Variants in RABGEF1 observed in about 807,000 individuals in gnomAD.
RABGEF1 encodes the protein RAB guanine nucleotide exchange factor 1.
In RABGEF1, 26 loss-of-function variants were observed where a neutral mutation model predicts 57.3. That is an observed-to-expected ratio of 0.45 (90% CI 0.33 to 0.63). The LOEUF is 0.63. Among genes scored for constraint, RABGEF1 ranks in the 20% least tolerant of loss-of-function variants. The pLI is 0.02. For missense variants in RABGEF1, 464 were observed against 607.6 expected (o/e 0.76, Z 2.48); for synonymous variants, 185 against 210.7 (o/e 0.88, Z 1.06).
At position 66,775,383 on chromosome 7, in the gene RABGEF1, A is replaced by C; in HGVS notation, c.336A>C (p.Gly112=). 2 of 1,613,866 alleles carry C rather than the reference A, an allele frequency of 1.2e-6. No individual in the cohort carries two copies. Among genetic ancestry groups the C allele is most frequent in the Non-Finnish European group, 1.7e-6 (2 of 1,179,800 alleles). Residue 112 remains glycine (G), a synonymous_variant, in exon 3 of 9, where the codon GGA becomes GGC. Transcript: ENST00000284957. Reference sequence around the variant, plus strand: ...TCTTCAGTGCATCTTCCAGGGTCGGATCAAAGAAGGGTAATGTTCTGATAC... The same window carrying C: ...TCTTCAGTGCATCTTCCAGGGTCGGCTCAAAGAAGGGTAATGTTCTGATAC... The part of the protein sequence containing the change: ...KKFFSASSRV[G]SKKEIQEAKA...
intron 2 of RABGEF1, among the ~76,000 whole-genome samples, chr7:66,775,021 A>G (rs1962050): frequency 0.39 from 58,545 of 152,056 alleles, 11,747 homozygotes; most frequent in Middle Eastern, 0.57. Context: ...CAGTAGCTGA[A>G]TGAGTATGAG....
intron 1 of RABGEF1, among the ~76,000 whole-genome samples, chr7:66,698,410 CAG>C (rs1297004877): frequency 6.6e-6 from 1 of 150,906 alleles, no homozygotes; most frequent in African/African-American, 2.5e-5. Flanking sequence ...GAAAGAGAGT[CAG>C]AGGAGAGTGC....
intron 2 of RABGEF1, among the ~76,000 whole-genome samples, chr7:66,722,238 G>A (rs373641984): frequency 6.6e-6 from 1 of 151,950 alleles, no homozygotes; most frequent in African/African-American, 2.4e-5. Flanking sequence ...TCAAGAGTTC[G>A]AGACCAGCCT....
At chr7:66,747,541 G>A (rs117013788) in intron 1 of RABGEF1, among the ~76,000 whole-genome samples, 2,256 of 152,168 alleles carry the variant, frequency 0.015, 61 homozygotes, top group East Asian at 0.094. Flanking sequence ...ATTAAAAATC[G>A]CTTTTGGGGG....
chr7:66,796,175 G>T lies in RABGEF1; in HGVS notation c.595+583G>T, dbSNP rs35624856. On this transcript the variant is annotated intron_variant, in intron 5 of 8. Transcript: ENST00000284957. ...GAGAAAGAGAAAAACTTATTGGAAG[G>T]CTTTGCTAAATGAATTTTCCATCTT... 1.1e-4 allele frequency among the ~76,000 whole-genome samples: 16 copies of T among 152,106 alleles called. No homozygotes were observed. In the South Asian group the frequency reaches 3.1e-3, roughly 30 times the overall value.
chr7:66,792,567 G>C (rs180701909), intron 4 of RABGEF1, among the ~76,000 whole-genome samples: 1 of 152,320 alleles, frequency 6.6e-6, no homozygotes, highest in African/African-American at 2.4e-5. Flanking sequence ...ATCCTTATTA[G>C]ACAGTAAGCA....
the RABGEF1 span, among the ~76,000 whole-genome samples, chr7:66,655,570 A>G: frequency 1.3e-5 from 2 of 152,114 alleles, no homozygotes; most frequent in African/African-American, 4.8e-5. Flanking sequence ...GGATCTCACA[A>G]TGTTACCCAT....
intron 8 of RABGEF1, among the ~76,000 whole-genome samples, chr7:66,806,967 A>G (rs1484193936): frequency 6.6e-6 from 1 of 152,138 alleles, no homozygotes; most frequent in East Asian, 1.9e-4. Context: ...TATAAATGAA[A>G]CATACACTTG....
chr7:66,681,141 A>G (rs1214287745), upstream of RABGEF1, among the ~76,000 whole-genome samples: 1 of 152,182 alleles, frequency 6.6e-6, no homozygotes, highest in Non-Finnish European at 1.5e-5. Context: ...CACAGCGACA[A>G]TTAGCAAAGC....
chr7:66,777,907 A>G (rs992720042), intron 3 of RABGEF1, among the ~76,000 whole-genome samples: 6 of 152,144 alleles, frequency 3.9e-5, no homozygotes, highest in African/African-American at 1.4e-4. Flanking sequence ...TTTTTGAATG[A>G]TAGATTTGTA....
intron 1 of RABGEF1, among the ~76,000 whole-genome samples, chr7:66,759,049 T>A (rs1231069781): frequency 6.6e-5 from 10 of 152,204 alleles, no homozygotes; most frequent in Admixed American, 5.2e-4. Context: ...GCAATGTATG[T>A]GTATAGTGTC....
chr7:66,785,613 G>A (rs1181490227), intron 4 of RABGEF1, among the ~76,000 whole-genome samples: 4 of 152,302 alleles, frequency 2.6e-5, no homozygotes, highest in South Asian at 2.1e-4. Flanking sequence ...GGTGGCTCAC[G>A]CCTGTAATCC....
intron 1 of RABGEF1, among the ~76,000 whole-genome samples, chr7:66,706,703 C>T (rs1050557612): frequency 2.2e-4 from 34 of 151,572 alleles, no homozygotes; most frequent in Non-Finnish European, 3.8e-4. Context: ...TGTGAGCCAC[C>T]GCGCCTAGCT....
chr7:66,692,356 C>T (rs1472122827), intron 1 of RABGEF1, among the ~76,000 whole-genome samples: 1 of 152,112 alleles, frequency 6.6e-6, no homozygotes, highest in Non-Finnish European at 1.5e-5. Context: ...GCATCTCCTC[C>T]CATGTAAAAG....
intron 1 of RABGEF1, among the ~76,000 whole-genome samples, chr7:66,697,718 G>A (rs571680406): frequency 1.6e-4 from 25 of 152,264 alleles, no homozygotes; most frequent in African/African-American, 4.8e-4. Flanking sequence ...CGGCCTCAGC[G>A]AGGTGGGGGG....
chr7:66,782,088 C>G (rs977730655), intron 3 of RABGEF1, among the ~76,000 whole-genome samples: 4 of 152,216 alleles, frequency 2.6e-5, no homozygotes, highest in African/African-American at 9.7e-5. Flanking sequence ...GATTCACTTT[C>G]AAACACTAAA....
At chr7:66,740,843 G>A (rs1428838565) in intron 1 of RABGEF1, 51 bp downstream of exon 1, 2 of 152,256 alleles carry the variant, frequency 1.3e-5, no homozygotes, top group African/African-American at 4.8e-5. Context: ...TCAGCTACAG[G>A]AGCGGGGCGG....
chr7:66,666,515 A>C, the RABGEF1 span, among the ~76,000 whole-genome samples: 2 of 152,168 alleles, frequency 1.3e-5, no homozygotes, highest in African/African-American at 4.8e-5. Flanking sequence ...CCTCTGTGCC[A>C]GGCTCCCAGC....
chr7:66,802,337 C>T (rs1787481372), intron 7 of RABGEF1, among the ~76,000 whole-genome samples: 1 of 152,198 alleles, frequency 6.6e-6, no homozygotes, highest in Non-Finnish European at 1.5e-5. Flanking sequence ...CAGGAGTGTC[C>T]ATGTTGAGAA....
Sources: allele counts gnomAD v4.1 joint callset (sites outside exome capture counted in the v4.1 genomes callset), GRCh38; gene constraint gnomAD v4.1.1; transcripts MANE v1.5; gene names NCBI Gene and HGNC (gene_info 2026-07-23, HGNC 2026-07-21).